Variants in RNGTT observed in about 807,000 individuals in gnomAD.
RNGTT encodes the protein mRNA-capping enzyme.
In RNGTT, 33 loss-of-function variants were observed where a neutral mutation model predicts 79.3. The ratio of observed to expected loss-of-function variants is 0.42; its 90% confidence interval spans 0.32 to 0.56. RNGTT has a LOEUF of 0.56. RNGTT is among the 20% of genes least tolerant of loss of function. RNGTT has a pLI of 0.17. For missense variants in RNGTT, 497 were observed against 739.1 expected (o/e 0.67, Z 3.80); for synonymous variants, 222 against 235.9 (o/e 0.94, Z 0.54).
intron 1 of RNGTT, among the ~76,000 whole-genome samples, chr6:88,956,846 C>G (rs1785448117): frequency 6.6e-6 from 1 of 152,068 alleles, no homozygotes; most frequent in Non-Finnish European, 1.5e-5. Flanking sequence ...CAAGACCAGC[C>G]TGGCCAACGT....
chr6:88,613,235 C>T (rs1364281169), intron 15 of RNGTT, among the ~76,000 whole-genome samples: 1 of 152,204 alleles, frequency 6.6e-6, no homozygotes, highest in East Asian at 1.9e-4. Context: ...CTACAGAAAA[C>T]GTGCACTATA....
intron 14 of RNGTT, among the ~76,000 whole-genome samples, 190 bp from the exon 15 acceptor site, chr6:88,614,585 A>G (rs1772151958): frequency 6.6e-6 from 1 of 152,242 alleles, no homozygotes; most frequent in Non-Finnish European, 1.5e-5. Context: ...ATGCTCACTT[A>G]TCCGACATTT....
intron 1 of RNGTT, among the ~76,000 whole-genome samples, chr6:88,952,129 G>A (rs1785271487): frequency 6.6e-6 from 1 of 152,078 alleles, no homozygotes; most frequent in South Asian, 2.1e-4. Flanking sequence ...TGGGAGCTGG[G>A]TGAAGCCTTT....
chr6:88,963,567 G>T lies in RNGTT; in HGVS notation c.-158C>A, dbSNP rs920594148. 2.7e-5 allele frequency: 17 copies of T among 626,436 alleles called. No homozygotes were observed. Among genetic ancestry groups the T allele is most frequent in the Non-Finnish European group, 4.4e-5 (17 of 389,028 alleles). 38.8% of individuals were successfully genotyped at this position (626,436 alleles called of 1,614,324 possible). ...CGATCCGGGTAACGTCAGGGGCGGC[G>T]CGCCACTTTCATTCAGGATCAACTC... On this transcript the variant is annotated 5_prime_UTR_variant, in exon 1 of 16. Coordinates refer to ENST00000369485, the MANE Select transcript of RNGTT (RefSeq NM_003800.5).
chr6:88,712,910 T>G (rs997540044), intron 13 of RNGTT, among the ~76,000 whole-genome samples: 8 of 152,226 alleles, frequency 5.3e-5, no homozygotes, highest in African/African-American at 1.9e-4. Flanking sequence ...ATCAGGATGC[T>G]AACTCTCAAA....
chr6:88,903,016 A>T (rs915138528), intron 6 of RNGTT, among the ~76,000 whole-genome samples: 1 of 152,142 alleles, frequency 6.6e-6, no homozygotes, highest in Non-Finnish European at 1.5e-5. Flanking sequence ...GTAACTAATA[A>T]AAGAAAAGTA....
Position 88,751,199 on chromosome 6 carries a change from T to C in RNGTT, c.1439+18575A>G, listed in dbSNP as rs527623157. ...TCTGAAAAAGATGAATAAAGGTCTT[T>C]GTTCCTTAGTAATGAATTCACGTAA... On this transcript the variant is annotated intron_variant, in intron 13 of 15. Transcript: ENST00000369485. Among the ~76,000 whole-genome samples, 42 of 152,310 alleles carry C rather than the reference T, an allele frequency of 2.8e-4. No individual in the cohort carries two copies. In the South Asian group the frequency reaches 8.7e-3, roughly 32 times the overall value.
At chr6:88,825,114 T>C (rs1780615523) in intron 11 of RNGTT, among the ~76,000 whole-genome samples, 2 of 152,214 alleles carry the variant, frequency 1.3e-5, no homozygotes, top group South Asian at 4.1e-4. Flanking sequence ...ATTTACAAAA[T>C]GCCAAAATTC....
chr6:88,962,097 T>C (rs186331424), intron 1 of RNGTT, among the ~76,000 whole-genome samples: 1 of 152,300 alleles, frequency 6.6e-6, no homozygotes, highest in Admixed American at 6.5e-5. Context: ...TTTCCATTTA[T>C]TTAAAAATTT....
At chr6:88,649,464 C>G (rs867282896) in intron 14 of RNGTT, among the ~76,000 whole-genome samples, 1 of 152,218 alleles carries the variant, frequency 6.6e-6, no homozygotes, top group African/African-American at 2.4e-5. Context: ...TTTGGGAGGC[C>G]GAGGCGGTGG....
chr6:88,701,724 G>A (rs1172949700), intron 13 of RNGTT, among the ~76,000 whole-genome samples: 3 of 152,022 alleles, frequency 2.0e-5, no homozygotes, highest in African/African-American at 7.2e-5. Context: ...AGATATGGAA[G>A]CTAATGGAAA....
chr6:88,889,433 C>A (rs1782971970), intron 8 of RNGTT, among the ~76,000 whole-genome samples: 1 of 152,010 alleles, frequency 6.6e-6, no homozygotes, highest in Admixed American at 6.5e-5. Flanking sequence ...TTTAAGGTAA[C>A]TACATGTTAA....
chr6:88,741,463 T>G (rs565041482), intron 13 of RNGTT, among the ~76,000 whole-genome samples: 3 of 152,180 alleles, frequency 2.0e-5, no homozygotes, highest in Admixed American at 2.0e-4. Context: ...GGGAAAGGGA[T>G]GCAAAACTGT....
chr6:88,725,144 A>G (rs1438301362), intron 13 of RNGTT, among the ~76,000 whole-genome samples: 1 of 152,244 alleles, frequency 6.6e-6, no homozygotes, highest in East Asian at 1.9e-4. Flanking sequence ...GCCGGGGATT[A>G]CATTCCCTTC....
intron 14 of RNGTT, among the ~76,000 whole-genome samples, chr6:88,634,236 A>G (rs1205096620): frequency 6.6e-6 from 1 of 152,152 alleles, no homozygotes; most frequent in Admixed American, 6.6e-5. Context: ...GTTTTACAAG[A>G]TTCTTATTTT....
At chr6:88,614,818 C>T (rs555938628) in intron 14 of RNGTT, among the ~76,000 whole-genome samples, 5 of 152,208 alleles carry the variant, frequency 3.3e-5, no homozygotes, top group South Asian at 2.1e-4. Context: ...TAAGAAATGC[C>T]GTGTACTAGT....
intron 6 of RNGTT, among the ~76,000 whole-genome samples, chr6:88,901,890 A>C (rs367863148): frequency 1.3e-5 from 2 of 152,254 alleles, no homozygotes; most frequent in East Asian, 1.9e-4. Flanking sequence ...GTGCAACAGC[A>C]TACCCACATG....
intron 13 of RNGTT, among the ~76,000 whole-genome samples, chr6:88,704,821 A>G (rs780207466): frequency 1.3e-5 from 2 of 151,404 alleles, no homozygotes; most frequent in Non-Finnish European, 2.9e-5. Flanking sequence ...CCAAACTTCT[A>G]TTCATCTTGG....
rs1272761383 is a variant in RNGTT, at chr6:88,610,795, A to G, written c.*1924T>C. The G allele has an allele frequency of 6.6e-6, 1 of 152,232 alleles. No individual in the cohort carries two copies. Among genetic ancestry groups the G allele is most frequent in the African/African-American group, 2.4e-5 (1 of 41,466 alleles). 9.4% of individuals were successfully genotyped at this position (152,232 alleles called of 1,614,324 possible). A position where few individuals can be genotyped will look rare whatever the true frequency, so the allele number is the denominator to read the frequency against. On this transcript the variant is annotated 3_prime_UTR_variant, in exon 16 of 16. Coordinates refer to ENST00000369485, the MANE Select transcript of RNGTT (RefSeq NM_003800.5). ...TTGAAAGGTTACAATTACCATAAAC[A>G]TTTTAACTCCATTAAAGATCATTGG...
Sources: allele counts gnomAD v4.1 joint callset (sites outside exome capture counted in the v4.1 genomes callset), GRCh38; gene constraint gnomAD v4.1.1; transcripts MANE v1.5; gene names NCBI Gene and HGNC (gene_info 2026-07-23, HGNC 2026-07-21).